Variants in CSMD1 observed in about 807,000 individuals in gnomAD.
CSMD1 encodes the protein CUB and Sushi multiple domains 1, also known as CUB and sushi domain-containing protein 1.
Under a neutral mutation model 417.5 loss-of-function variants are expected in CSMD1, and 213 were observed. The ratio of observed to expected loss-of-function variants is 0.51; its 90% CI spans 0.46 to 0.57. The LOEUF is 0.57. Ranked by LOEUF, CSMD1 falls within the 20% of genes least tolerant of loss-of-function variation. CSMD1 has a pLI of 0.00. For missense variants in CSMD1, 6,923 were observed against 4,529.7 expected (o/e 1.53, Z -15.17); for synonymous variants, 2,862 against 1,736.8 (o/e 1.65, Z -16.11).
intron 10 of CSMD1, among the ~76,000 whole-genome samples, chr8:3,535,242 C>T (rs371840759): frequency 7.9e-5 from 12 of 152,224 alleles, no homozygotes; most frequent in East Asian, 1.9e-4. Context: ...CATGAGCCAC[C>T]GCACCCAGCC....
At chr8:3,136,269 C>G (rs1282742614) in intron 41 of CSMD1, among the ~76,000 whole-genome samples, 1 of 137,276 alleles carries the variant, frequency 7.3e-6, no homozygotes, top group South Asian at 2.4e-4. Context: ...TTTTTTTTTG[C>G]CCCCCGAGAT....
intron 12 of CSMD1, among the ~76,000 whole-genome samples, chr8:3,465,782 T>C (rs1467512615): frequency 2.6e-5 from 4 of 152,146 alleles, no homozygotes; most frequent in Admixed American, 1.3e-4. Context: ...TTCAAGTCGA[T>C]GTTAAAATAA....
chr8:3,052,777 T>C (rs1278369777), intron 49 of CSMD1, 130 bp from the exon 50 acceptor site: 3 of 635,274 alleles, frequency 4.7e-6, no homozygotes, highest in East Asian at 3.9e-5. Context: ...ATTTCTTTTT[T>C]TTTCTTTCTT....
At chr8:2,983,273 A>C (rs1408624163) in intron 54 of CSMD1, among the ~76,000 whole-genome samples, 2 of 151,896 alleles carry the variant, frequency 1.3e-5, no homozygotes, top group Non-Finnish European at 2.9e-5. Context: ...TGCAAGCTCC[A>C]CCTGCTGGAT....
At chr8:4,183,159 G>A (rs57926910) in intron 3 of CSMD1, among the ~76,000 whole-genome samples, 15 of 152,138 alleles carry the variant, frequency 9.9e-5, no homozygotes, top group South Asian at 2.1e-4. Flanking sequence ...TAATTAATGC[G>A]TAAGTGCAGT....
At chr8:4,538,677 T>C (rs1797230642) in intron 2 of CSMD1, among the ~76,000 whole-genome samples, 1 of 152,030 alleles carries the variant, frequency 6.6e-6, no homozygotes, top group African/African-American at 2.4e-5. Context: ...TATAATAAAA[T>C]AAAATGTAGT....
At chr8:4,796,283 T>C (rs1362898142) in intron 1 of CSMD1, among the ~76,000 whole-genome samples, 1 of 151,784 alleles carries the variant, frequency 6.6e-6, no homozygotes, top group Non-Finnish European at 1.5e-5. Flanking sequence ...GGCCAGAGGA[T>C]TTGGCAGAAG....
In CSMD1 at chr8:4,182,084, C is replaced by A. The variant is rs138860426; in HGVS notation, c.416-149985G>T. ...TGTATACCTAAATTAGGTATTTAAA[C>A]CTACCTGAATAGCATTTCAATGCTA... On this transcript the variant is annotated intron_variant, in intron 3 of 69. Transcript: ENST00000635120. 1.8e-3 allele frequency among the ~76,000 whole-genome samples: 275 copies of A among 151,270 alleles called. 1 individual carries two copies. The highest frequency in any genetic ancestry group is 6.5e-3 in the African/African-American group (268 of 41,184).
At position 4,003,084 on chromosome 8, in the gene CSMD1, T is replaced by A. The variant is rs140414388; in HGVS notation, c.611-4974A>T. 6.8e-3 allele frequency among the ~76,000 whole-genome samples: 1,037 copies of A among 152,276 alleles called. 26 individuals carry two copies. The highest frequency in any genetic ancestry group is 0.048 in the Admixed American group (733 of 15,294). ...CAGGGGGATATTATTTATACTTACT[T>A]GCTTTGTATTTTAAGAAACAAGATA... is the stretch of plus-strand genomic sequence containing the variant. On this transcript the variant is annotated intron_variant, in intron 4 of 69. Coordinates refer to ENST00000635120, the MANE Select transcript of CSMD1 (RefSeq NM_033225.6).
At chr8:3,287,455 G>A (rs537900074) in intron 25 of CSMD1, among the ~76,000 whole-genome samples, 30 of 152,106 alleles carry the variant, frequency 2.0e-4, no homozygotes, top group African/African-American at 7.0e-4. Context: ...TCTTCCATTT[G>A]TTTGTATCCT....
intron 5 of CSMD1, among the ~76,000 whole-genome samples, chr8:3,926,681 G>A (rs1016128031): frequency 7.1e-6 from 1 of 140,534 alleles, no homozygotes; most frequent in South Asian, 2.4e-4. Flanking sequence ...AAACACATTT[G>A]AAAACGCAAT....
intron 26 of CSMD1, among the ~76,000 whole-genome samples, chr8:3,246,957 T>C (rs890589502): frequency 1.3e-5 from 2 of 152,240 alleles, no homozygotes; most frequent in African/African-American, 2.4e-5. Flanking sequence ...TTATTGCTTA[T>C]AGAACTTTTG....
At chr8:4,683,748 A>C (rs1375330908) in intron 1 of CSMD1, among the ~76,000 whole-genome samples, 1 of 152,194 alleles carries the variant, frequency 6.6e-6, no homozygotes, top group East Asian at 1.9e-4. Context: ...TTTTTGCACA[A>C]TTAGCTCAGA....
chr8:4,446,492 A>T (rs2129758788), intron 2 of CSMD1, among the ~76,000 whole-genome samples: 1 of 152,252 alleles, frequency 6.6e-6, no homozygotes, highest in South Asian at 2.1e-4. Context: ...GGCTGCAGGG[A>T]TCTGTGATCA....
At chr8:4,103,914 C>G (rs1478358018) in intron 3 of CSMD1, among the ~76,000 whole-genome samples, 1 of 152,210 alleles carries the variant, frequency 6.6e-6, no homozygotes, top group Non-Finnish European at 1.5e-5. Context: ...CAAGGCCAAA[C>G]AGCTTTGTGC....
intron 2 of CSMD1, among the ~76,000 whole-genome samples, chr8:4,431,562 C>A (rs541921776): frequency 1.3e-5 from 2 of 152,216 alleles, no homozygotes; most frequent in South Asian, 4.2e-4. Context: ...CAGCCCCGGC[C>A]CCATTTCAAA....
At chr8:4,169,235 C>G (rs1797627198) in intron 3 of CSMD1, among the ~76,000 whole-genome samples, 1 of 152,130 alleles carries the variant, frequency 6.6e-6, no homozygotes, top group Non-Finnish European at 1.5e-5. Flanking sequence ...CAGCAGTGTT[C>G]TCAATACTGC....
chr8:3,850,507 C>G (rs1373646357), intron 5 of CSMD1, among the ~76,000 whole-genome samples: 5 of 152,048 alleles, frequency 3.3e-5, no homozygotes, highest in Admixed American at 6.6e-5. Flanking sequence ...CCGGCTTGGC[C>G]AACATGGCAA....
intron 5 of CSMD1, among the ~76,000 whole-genome samples, chr8:3,818,402 C>T (rs947597459): frequency 6.6e-6 from 1 of 152,146 alleles, no homozygotes; most frequent in Non-Finnish European, 1.5e-5. Flanking sequence ...ATCTGAGTTT[C>T]AGAAAACAGC....
Sources: allele counts gnomAD v4.1 joint callset (sites outside exome capture counted in the v4.1 genomes callset), GRCh38; gene constraint gnomAD v4.1.1; transcripts MANE v1.5; gene names NCBI Gene and HGNC (gene_info 2026-07-23, HGNC 2026-07-21).